SLC1A2: variants seen among roughly 807,000 people sequenced by gnomAD.
SLC1A2 encodes excitatory amino acid transporter 2.
In SLC1A2, 15 loss-of-function variants were observed where a neutral mutation model predicts 48.8. The ratio of observed to expected loss-of-function variants is 0.31; its 90% CI spans 0.21 to 0.47. SLC1A2 has a LOEUF of 0.47. SLC1A2 is among the 20% of genes least tolerant of loss of function. SLC1A2 has a pLI of 0.99. For missense variants in SLC1A2, 502 were observed against 730.5 expected (o/e 0.69, Z 3.61); for synonymous variants, 279 against 272.6 (o/e 1.02, Z -0.23).
At chr11:35,341,734 G>T (rs1419287790) in intron 1 of SLC1A2, among the ~76,000 whole-genome samples, 2 of 152,190 alleles carry the variant, frequency 1.3e-5, no homozygotes. Flanking sequence ...TTTAAGATAT[G>T]TAATACCTTT....
intron 1 of SLC1A2, chr11:35,399,634 A>T: frequency 1.0e-6 from 1 of 981,116 alleles, no homozygotes; most frequent in Non-Finnish European, 1.2e-6. Flanking sequence ...CGGAGTATTC[A>T]ATCATCTATT....
At chr11:35,358,080 G>A (rs964101609) in intron 1 of SLC1A2, among the ~76,000 whole-genome samples, 2 of 151,920 alleles carry the variant, frequency 1.3e-5, no homozygotes, top group Non-Finnish European at 2.9e-5. Context: ...AAGAGGCAAA[G>A]GTTACAGTGA....
chr11:35,381,927 G>T (rs569076084), intron 1 of SLC1A2, among the ~76,000 whole-genome samples: 1 of 152,286 alleles, frequency 6.6e-6, no homozygotes, highest in East Asian at 1.9e-4. Context: ...AAGTGACAAT[G>T]AAGAAAATGA....
At chr11:35,322,200 G>A (rs868541124) in intron 1 of SLC1A2, among the ~76,000 whole-genome samples, 3 of 152,090 alleles carry the variant, frequency 2.0e-5, no homozygotes, top group African/African-American at 7.2e-5. Context: ...TCTTTCTCAT[G>A]CAAATCCACG....
At chr11:35,398,719 C>A (rs558336268) in intron 1 of SLC1A2, among the ~76,000 whole-genome samples, 1 of 152,252 alleles carries the variant, frequency 6.6e-6, no homozygotes, top group South Asian at 2.1e-4. Flanking sequence ...GGAAACACAG[C>A]CCAAACTTGA....
intron 8 of SLC1A2, chr11:35,282,039 C>A (rs918087528): frequency 6.6e-6 from 1 of 151,984 alleles, no homozygotes; most frequent in Admixed American, 6.6e-5. Flanking sequence ...ATCCTGGGGT[C>A]TTATTGCTGA....
intron 1 of SLC1A2, among the ~76,000 whole-genome samples, chr11:35,353,385 T>C (rs1853336724): frequency 6.7e-6 from 1 of 149,740 alleles, no homozygotes; most frequent in African/African-American, 2.5e-5. Context: ...CAAATGTTGC[T>C]TCCTCCAGGA....
chr11:35,333,489 C>A (rs1254676891), intron 1 of SLC1A2, among the ~76,000 whole-genome samples: 2 of 151,460 alleles, frequency 1.3e-5, no homozygotes, highest in African/African-American at 2.4e-5. Flanking sequence ...TATTGTTATA[C>A]CAAAATTAAC....
intron 1 of SLC1A2, among the ~76,000 whole-genome samples, chr11:35,360,530 T>C (rs184789425): frequency 5.3e-5 from 8 of 152,322 alleles, no homozygotes; most frequent in African/African-American, 1.4e-4. Flanking sequence ...TCTTTGACAT[T>C]TAACCCTGAC....
chr11:35,352,125 A>C (rs529667961), intron 1 of SLC1A2: 1 of 152,072 alleles, frequency 6.6e-6, no homozygotes, highest in South Asian at 2.1e-4. Context: ...TTGCTAACTA[A>C]GCTGACTGAC....
intron 1 of SLC1A2, among the ~76,000 whole-genome samples, chr11:35,357,112 C>G (rs1031492945): frequency 2.6e-5 from 4 of 151,990 alleles, no homozygotes; most frequent in Non-Finnish European, 5.9e-5. Flanking sequence ...AAAAAATTAG[C>G]TGGACATGGT....
At chr11:35,342,632 G>A (rs912178535) in intron 1 of SLC1A2, among the ~76,000 whole-genome samples, 2 of 151,696 alleles carry the variant, frequency 1.3e-5, no homozygotes, top group Non-Finnish European at 2.9e-5. Flanking sequence ...TAAGATTAGA[G>A]AACAATGGCT....
At chr11:35,377,636 A>C (rs549620592) in intron 1 of SLC1A2, among the ~76,000 whole-genome samples, 1 of 152,280 alleles carries the variant, frequency 6.6e-6, no homozygotes, top group South Asian at 2.1e-4. Context: ...TTTCCAAGGA[A>C]GACTCGCAAG....
Position 35,260,775 on chromosome 11 carries a change from A to C in SLC1A2, c.*119T>G. 2 of 764,074 alleles carry C rather than the reference A, an allele frequency of 2.6e-6. No homozygotes were observed. Among genetic ancestry groups the C allele is most frequent in the Non-Finnish European group, 4.5e-6 (2 of 443,032 alleles). The allele number at this position is 764,074 out of a possible 1,614,324, so 47.3% of individuals were successfully genotyped here. A position where few individuals can be genotyped will look rare whatever the true frequency, so the allele number is the denominator to read the frequency against. ...AGCTCCTCTAAGCCTCGGCTAACAG[A>C]TTAAGTAAACATAGAAATATACGCA... On this transcript the variant is annotated 3_prime_UTR_variant, in exon 11 of 11. Coordinates refer to ENST00000278379, the MANE Select transcript of SLC1A2 (RefSeq NM_004171.4).
At chr11:35,321,376 T>C (rs1252429848) in intron 1 of SLC1A2, among the ~76,000 whole-genome samples, 1 of 152,048 alleles carries the variant, frequency 6.6e-6, no homozygotes, top group African/African-American at 2.4e-5. Context: ...AGGGAAGGCG[T>C]CTGTGATGAA....
chr11:35,419,129 C>T lies in SLC1A2; in HGVS notation c.-163G>A, dbSNP rs1176191443. 2 of 543,604 alleles carry T rather than the reference C, an allele frequency of 3.7e-6. No homozygotes were observed. Among genetic ancestry groups the T allele is most frequent in the Non-Finnish European group, 6.4e-6 (2 of 314,728 alleles). 33.7% of individuals were successfully genotyped at this position (543,604 alleles called of 1,614,324 possible). A position where few individuals can be genotyped will look rare whatever the true frequency, so the allele number is the denominator to read the frequency against. On this transcript the variant is annotated 5_prime_UTR_variant, in exon 1 of 11. Coordinates refer to ENST00000278379, the MANE Select transcript of SLC1A2 (RefSeq NM_004171.4). This position sits in a 1 kb window ranked among gnomAD's most constrained non-coding sequence, Gnocchi z 5.4. Reference sequence around the variant, plus strand: ...CGGGGTAAGCCCTTTAGCGCCTCAACGGGCGCAGGAGGCTCCTGCGGGCGC... The same window carrying T: ...CGGGGTAAGCCCTTTAGCGCCTCAATGGGCGCAGGAGGCTCCTGCGGGCGC...
At position 35,262,711 on chromosome 11, in the gene SLC1A2, A is replaced by C. The variant is rs116519498; in HGVS notation, c.1654-1746T>G. Among the ~76,000 whole-genome samples the C allele has an allele frequency of 6.0e-3, 911 of 152,388 alleles. 14 individuals carry two copies. The highest frequency in any genetic ancestry group is 0.021 in the African/African-American group (860 of 41,590). Reference sequence around the variant, plus strand: ...TAACTGATTTAGAGTGAGAAGAATCAACTTGCTTTACCTAGCAAAGGCTGA... The same window carrying C: ...TAACTGATTTAGAGTGAGAAGAATCCACTTGCTTTACCTAGCAAAGGCTGA... On this transcript the variant is annotated intron_variant, in intron 10 of 10. Coordinates refer to ENST00000278379, the MANE Select transcript of SLC1A2 (RefSeq NM_004171.4).
At chr11:35,398,756 T>C (rs1253796486) in intron 1 of SLC1A2, among the ~76,000 whole-genome samples, 2 of 152,222 alleles carry the variant, frequency 1.3e-5, no homozygotes, top group East Asian at 1.9e-4. Flanking sequence ...GGTCCATTCA[T>C]AGGATACAAA....
intron 1 of SLC1A2, among the ~76,000 whole-genome samples, chr11:35,334,349 G>A (rs1204536191): frequency 2.0e-5 from 3 of 152,156 alleles, no homozygotes; most frequent in Non-Finnish European, 4.4e-5. Flanking sequence ...ACAGATGGGA[G>A]CTTTCTTCAT....
Sources: allele counts gnomAD v4.1 joint callset (sites outside exome capture counted in the v4.1 genomes callset), GRCh38; gene constraint gnomAD v4.1.1; non-coding constraint Gnocchi (gnomAD v3.1); transcripts MANE v1.5; gene names NCBI Gene and HGNC (gene_info 2026-07-23, HGNC 2026-07-21).